The following PNPLA1 variants were observed in gnomAD, a reference collection of about 807,000 sequenced individuals.
PNPLA1 encodes patatin like domain 1, omega-hydroxyceramide transacylase.
A neutral mutation model predicts 51.7 loss-of-function variants in PNPLA1; 36 were observed. The ratio of observed to expected loss-of-function variants is 0.70; its 90% CI spans 0.53 to 0.92. PNPLA1 has a LOEUF of 0.92. Among genes scored for constraint, PNPLA1 ranks in the 40% least tolerant of loss-of-function variants. The pLI, the probability that PNPLA1 is intolerant of heterozygous loss-of-function variation, is 0.00. For missense variants in PNPLA1, 658 were observed against 682.5 expected (o/e 0.96, Z 0.40); for synonymous variants, 293 against 280.1 (o/e 1.05, Z -0.46).
chr6:36,306,490 G>C, intron 7 of PNPLA1, 114 bp downstream of exon 7: 1 of 929,782 alleles, frequency 1.1e-6, no homozygotes. Context: ...TCCTTTTCTG[G>C]TGTGTGTGAT....
chr6:36,270,857 ACT>A (rs1172524221), intron 1 of PNPLA1, among the ~76,000 whole-genome samples, 193 bp downstream of exon 1: 1 of 152,004 alleles, frequency 6.6e-6, no homozygotes, highest in East Asian at 1.9e-4. Context: ...CAGGCCCCAG[ACT>A]CTAACATGCA....
At position 36,312,634 on chromosome 6, in the gene PNPLA1, A is replaced by C. The variant is rs972069530; in HGVS notation, c.*748A>C. Among the ~76,000 whole-genome samples, 1 of 152,146 alleles carries C rather than the reference A, an allele frequency of 6.6e-6. No individual in the cohort carries two copies. Among genetic ancestry groups the C allele is most frequent in the Non-Finnish European group, 1.5e-5 (1 of 68,032 alleles). ...GACCCTGAGGCCAAGCCTGCTTCTC[A>C]CTGCTGTCCGGCACACTCCCCTGAC... On this transcript the variant is annotated 3_prime_UTR_variant, in exon 9 of 9. Coordinates refer to ENST00000636260, the MANE Select transcript of PNPLA1 (RefSeq NM_001374623.1).
intron 1 of PNPLA1, among the ~76,000 whole-genome samples, chr6:36,288,660 T>C (rs908620529): frequency 6.6e-6 from 1 of 151,614 alleles, no homozygotes; most frequent in Non-Finnish European, 1.5e-5. Flanking sequence ...GGGTTTCACC[T>C]TGTTAGCCAG....
At chr6:36,246,682 C>T (rs1041276358) in intron 1 of PNPLA1, among the ~76,000 whole-genome samples, 2 of 152,146 alleles carry the variant, frequency 1.3e-5, no homozygotes, top group Non-Finnish European at 2.9e-5. Flanking sequence ...CACCCAGCTT[C>T]GAGTCACTCA....
chr6:36,249,344 G>A (rs1039134943), intron 1 of PNPLA1, among the ~76,000 whole-genome samples: 1 of 151,896 alleles, frequency 6.6e-6, no homozygotes, highest in African/African-American at 2.4e-5. Flanking sequence ...CTTATCATCA[G>A]GTTTTGACTC....
chr6:36,269,804 G>A (rs1466310887), upstream of PNPLA1, among the ~76,000 whole-genome samples: 4 of 152,130 alleles, frequency 2.6e-5, no homozygotes. Flanking sequence ...GGGTGTTTAT[G>A]TAAGAAAAAC....
intron 2 of PNPLA1, 31 bp downstream of exon 2, chr6:36,291,583 C>CTG: frequency 5.6e-5 from 3 of 53,506 alleles, no homozygotes; most frequent in Non-Finnish European, 1.1e-4. Flanking sequence ...GGGAGGGACA[C>CTG]GGAGGGGGCG....
At chr6:36,260,261 C>T (rs546318524) in intron 1 of PNPLA1, among the ~76,000 whole-genome samples, 50 of 152,106 alleles carry the variant, frequency 3.3e-4, no homozygotes, top group Non-Finnish European at 6.8e-4. Context: ...TGCACTCCAG[C>T]CTGGGTGACA....
intron 5 of PNPLA1, among the ~76,000 whole-genome samples, chr6:36,301,103 G>A (rs1436552984): frequency 1.6e-5 from 2 of 124,564 alleles, no homozygotes; most frequent in African/African-American, 5.4e-5. Context: ...CTAGATAAAC[G>A]CCATCCCCCC....
rs1345259733 is a variant in PNPLA1, at chr6:36,306,278, A to G, written c.1385-14A>G. The G allele has an allele frequency of 2.5e-6, 4 of 1,603,094 alleles. No homozygotes were observed. Among genetic ancestry groups the G allele is most frequent in the African/African-American group, 1.3e-5 (1 of 74,308 alleles). On this transcript the variant is annotated splice_polypyrimidine_tract_variant and intron_variant, in intron 6 of 8. Coordinates refer to ENST00000636260, the MANE Select transcript of PNPLA1 (RefSeq NM_001374623.1). ...TCCCCATCTCACTCCCGTTTCCTAT[A>G]TCTTTACTTTTAGCTGTAGCTCTTC...
At chr6:36,287,794 A>ACACC (rs1554137288) in intron 1 of PNPLA1, among the ~76,000 whole-genome samples, 4 of 133,744 alleles carry the variant, frequency 3.0e-5, no homozygotes, top group African/African-American at 1.1e-4. Flanking sequence ...ACACACACAC[A>ACACC]CCCCTGGAGA....
chr6:36,309,882 C>T lies in PNPLA1; in HGVS notation c.1596-1881C>T, dbSNP rs551137205. On this transcript the variant is annotated intron_variant, in intron 8 of 8. Transcript: ENST00000636260. ...GATTCAGGAAGAGGAGAAACCTGTT[C>T]ATTTCCTCCCAAATTACAACCACTG... 4.6e-5 allele frequency among the ~76,000 whole-genome samples: 7 copies of T among 152,252 alleles called. No homozygotes were observed. The South Asian group carries it at 1.5e-3, about 32-fold the overall frequency.
At chr6:36,287,297 G>C (rs553128040) in intron 1 of PNPLA1, among the ~76,000 whole-genome samples, 1 of 152,286 alleles carries the variant, frequency 6.6e-6, no homozygotes, top group Non-Finnish European at 1.5e-5. Flanking sequence ...TATGGGCAAA[G>C]CTCAGTGACA....
upstream of PNPLA1, among the ~76,000 whole-genome samples, chr6:36,265,487 AT>A (rs1769741587): frequency 6.6e-6 from 1 of 152,208 alleles, no homozygotes; most frequent in Non-Finnish European, 1.5e-5. Flanking sequence ...AGTTTTCAGA[AT>A]TTTCATGAAT....
Position 36,270,744 on chromosome 6 carries a change from G to T in PNPLA1, c.205+80G>T. ...CAGAAGGAGCGTGAGGGAGGCTGGGGATGCTTTGGGGGACAAAGCCAGGCC... is the reference window on the plus strand; with the variant it reads ...CAGAAGGAGCGTGAGGGAGGCTGGGTATGCTTTGGGGGACAAAGCCAGGCC... On this transcript the variant is annotated intron_variant, in intron 1 of 8. Coordinates refer to ENST00000636260, the MANE Select transcript of PNPLA1 (RefSeq NM_001374623.1). The T allele has an allele frequency of 6.1e-6, 9 of 1,484,390 alleles. No homozygotes were observed. The South Asian group carries it at 6.2e-5, about 10-fold the overall frequency. 92.0% of individuals were successfully genotyped at this position (1,484,390 alleles called of 1,614,324 possible). A position where few individuals can be genotyped will look rare whatever the true frequency, so the allele number is the denominator to read the frequency against.
chr6:36,266,595 A>G (rs1769766276), upstream of PNPLA1, among the ~76,000 whole-genome samples: 1 of 152,150 alleles, frequency 6.6e-6, no homozygotes, highest in Non-Finnish European at 1.5e-5. Context: ...CCGTGAGCTC[A>G]TGATTCACCC....
At chr6:36,300,178 T>TGTGAGAGAGAGAGAGAGAGAGA in intron 5 of PNPLA1, among the ~76,000 whole-genome samples, 3 of 98,086 alleles carry the variant, frequency 3.1e-5, no homozygotes, top group Admixed American at 2.6e-4. Flanking sequence ...TGTGTGTGTG[T>TGTGAGAGAGAGAGAGAGAGAGA]GAGAGAGAGA....
chr6:36,286,920 A>G (rs924121586), intron 1 of PNPLA1, among the ~76,000 whole-genome samples: 3 of 151,818 alleles, frequency 2.0e-5, no homozygotes, highest in African/African-American at 7.3e-5. Flanking sequence ...TCCCGGGCTC[A>G]AGCGATCCTC....
intron 1 of PNPLA1, among the ~76,000 whole-genome samples, chr6:36,278,329 A>G (rs1176785278): frequency 1.3e-5 from 2 of 152,160 alleles, no homozygotes; most frequent in African/African-American, 4.8e-5. Flanking sequence ...TGTGATACTG[A>G]ATGTGTCTTT....
Sources: gnomAD v4.1 joint callset for allele counts (sites outside exome capture counted in the v4.1 genomes callset) on GRCh38, gnomAD v4.1.1 for gene constraint, MANE v1.5 for transcripts, NCBI Gene and HGNC (gene_info 2026-07-23, HGNC 2026-07-21) for gene names.